Variants in CCDC82 observed in about 807,000 individuals in gnomAD.
CCDC82 encodes the protein coiled-coil domain containing 82.
In CCDC82, 47 loss-of-function variants were observed where a neutral mutation model predicts 60.6. That is an observed-to-expected ratio of 0.77 (90% CI 0.61 to 0.99). The LOEUF (loss-of-function observed/expected upper bound fraction) is 0.99, where lower values mean the gene tolerates loss of function less well. Ranked by LOEUF, CCDC82 falls within the 50% of genes least tolerant of loss-of-function variation. The probability of loss-of-function intolerance (pLI) is 0.00; values close to 1 mark genes in which losing one functional copy is unlikely to be tolerated. For synonymous variants in CCDC82, 212 were observed against 207.4 expected (o/e 1.02, Z -0.19); for missense variants, 588 against 633.0 (o/e 0.93, Z 0.76).
chr11:96,355,444 C>T (rs1475190845), intron 9 of CCDC82: 1 of 152,152 alleles, frequency 6.6e-6, no homozygotes, highest in East Asian at 1.9e-4. Flanking sequence ...TAATCAATCA[C>T]TTACTAATTG....
intron 5 of CCDC82, 107 bp downstream of exon 5, chr11:96,383,160 CCA>C (rs1382548944): frequency 5.7e-6 from 4 of 701,160 alleles, no homozygotes; most frequent in East Asian, 2.5e-5. Flanking sequence ...GAAAATGAAA[CCA>C]CAGTTTCTAG....
intron 8 of CCDC82, among the ~76,000 whole-genome samples, chr11:96,361,115 C>T (rs536868796): frequency 1.3e-5 from 2 of 152,296 alleles, no homozygotes; most frequent in Non-Finnish European, 2.9e-5. Flanking sequence ...AAAAAGACAA[C>T]ACAAAAGTTG....
rs1314139954 is a variant in CCDC82, at chr11:96,375,235, G to A, written c.992-1768C>T. Among the ~76,000 whole-genome samples, 4 of 152,086 alleles carry A rather than the reference G, an allele frequency of 2.6e-5. No homozygotes were observed. The East Asian group carries it at 7.7e-4, about 29-fold the overall frequency. Reference sequence around the variant, plus strand: ...CATAGAATATTTCATCCTACTGAAGGTATCATTCTTGAATGTCCTTATGCC... The same window carrying A: ...CATAGAATATTTCATCCTACTGAAGATATCATTCTTGAATGTCCTTATGCC... On this transcript the variant is annotated intron_variant, in intron 5 of 9. Transcript: ENST00000646818.
At chr11:96,356,617 CTCT>C (rs1279847808) in intron 9 of CCDC82, 3 of 974,118 alleles carry the variant, frequency 3.1e-6, no homozygotes, top group African/African-American at 3.5e-5. Flanking sequence ...TGTTATTGAA[CTCT>C]TCTTTAGAAT....
intron 9 of CCDC82, chr11:96,354,002 A>G: frequency 4.3e-6 from 1 of 231,666 alleles, no homozygotes; most frequent in East Asian, 1.0e-4. Context: ...GTAGAAATGT[A>G]GTAACCTCAA....
chr11:96,365,038 C>G lies in CCDC82; in HGVS notation c.1322G>C (p.Gly441Ala). The change falls in exon 8 of 10, where the codon GGA becomes GCA. Residue 441 changes from glycine to alanine, a missense_variant. By Grantham distance (60) the Gly-to-Ala change is moderately conservative. Transcript: ENST00000646818. ...RYCKYSVHLS[G>A]ELYNTRTMQI... ...CATGGTCCTGGTGTTATACAACTCT[C>G]CTGATAAATGCACTGAATATTTACA... The G allele has an allele frequency of 1.2e-6, 2 of 1,610,804 alleles. No homozygotes were observed. The highest frequency in any genetic ancestry group is 1.7e-6 in the Non-Finnish European group (2 of 1,178,490).
At chr11:96,386,996 T>A (rs1485361463) in intron 2 of CCDC82, 1 of 152,276 alleles carries the variant, frequency 6.6e-6, no homozygotes, top group African/African-American at 2.4e-5. Flanking sequence ...GCATCTTACA[T>A]TTTTAAGCTG....
chr11:96,380,121 G>A (rs1207220866), intron 5 of CCDC82, among the ~76,000 whole-genome samples: 1 of 151,730 alleles, frequency 6.6e-6, no homozygotes, highest in Non-Finnish European at 1.5e-5. Context: ...TGGCAATTAG[G>A]AGGGTATCAA....
rs1190939441 is a variant in CCDC82, at chr11:96,383,281, G to A, written c.979C>T (p.Gln327Ter). 7 of 1,546,770 alleles carry A rather than the reference G, an allele frequency of 4.5e-6. No homozygotes were observed. Among genetic ancestry groups the A allele is most frequent in the African/African-American group, 4.1e-5 (3 of 73,630 alleles). ...LTTSQLKLVK[Q>*]NSLYSFSDHY... ...ATATTGAACTTACAAAGAGAATTCTGTTTTACTAATTTCAGTTGTGATGTA... is the reference window on the plus strand; with the variant it reads ...ATATTGAACTTACAAAGAGAATTCTATTTTACTAATTTCAGTTGTGATGTA... Residue 327 changes from glutamine (Q) to a stop codon, truncating the protein, a stop_gained, in exon 5 of 10, where the codon CAG (glutamine) becomes TAG (stop). Coordinates refer to ENST00000646818, the MANE Select transcript of CCDC82 (RefSeq NM_024725.4). LOFTEE classifies it high-confidence loss of function.
chr11:96,372,285 T>C (rs1865314392), intron 6 of CCDC82, among the ~76,000 whole-genome samples: 1 of 152,204 alleles, frequency 6.6e-6, no homozygotes, highest in South Asian at 2.1e-4. Context: ...AACTAGCAGA[T>C]AACATAAACT....
chr11:96,365,246 A>G (rs1007127770), intron 7 of CCDC82, 96 bp from the exon 8 acceptor site: 9 of 781,042 alleles, frequency 1.2e-5, no homozygotes, highest in Non-Finnish European at 1.7e-5. Context: ...ATTACAATAC[A>G]AAGAGATATA....
intron 4 of CCDC82, 145 bp downstream of exon 4, chr11:96,383,817 A>C: frequency 1.3e-6 from 1 of 759,424 alleles, no homozygotes; most frequent in Admixed American, 3.0e-5. Flanking sequence ...CAATAGTGTA[A>C]TCAAACATGT....
In CCDC82 at chr11:96,353,593, T is replaced by A; in HGVS notation, c.*53A>T. 3.2e-6 allele frequency: 4 copies of A among 1,268,416 alleles called. No homozygotes were observed. Among genetic ancestry groups the A allele is most frequent in the Non-Finnish European group, 4.6e-6 (4 of 870,330 alleles). 78.6% of individuals were successfully genotyped at this position (1,268,416 alleles called of 1,614,324 possible). A position where few individuals can be genotyped will look rare whatever the true frequency, so the allele number is the denominator to read the frequency against. ...GTCACATGATACAGAAAAACAAGAA[T>A]CATGATCTTCACATTTACAGGAATT... is the stretch of plus-strand genomic sequence containing the variant. On this transcript the variant is annotated 3_prime_UTR_variant, in exon 10 of 10. Coordinates refer to ENST00000646818, the MANE Select transcript of CCDC82 (RefSeq NM_024725.4).
intron 1 of CCDC82, chr11:96,389,234 TC>T (rs1866394207): frequency 6.6e-6 from 1 of 152,224 alleles, no homozygotes; most frequent in Non-Finnish European, 1.5e-5. Context: ...CAGCATGGTA[TC>T]CGGGATAACT....
At chr11:96,360,993 T>C (rs1458815606) in intron 8 of CCDC82, among the ~76,000 whole-genome samples, 1 of 152,266 alleles carries the variant, frequency 6.6e-6, no homozygotes, top group East Asian at 1.9e-4. Flanking sequence ...AAACAGGTAT[T>C]ATTGTACATG....
chr11:96,375,709 A>G (rs1865536631), intron 5 of CCDC82, among the ~76,000 whole-genome samples: 2 of 152,220 alleles, frequency 1.3e-5, no homozygotes. Flanking sequence ...AACCCCATCT[A>G]AGTCCAGATT....
intron 5 of CCDC82, among the ~76,000 whole-genome samples, chr11:96,380,074 T>C (rs1414475239): frequency 6.6e-6 from 1 of 151,750 alleles, no homozygotes; most frequent in Non-Finnish European, 1.5e-5. Flanking sequence ...GTAAAGTACA[T>C]GACAATACCT....
At chr11:96,357,490 A>G (rs1864407666) in intron 9 of CCDC82, 1 of 984,930 alleles carries the variant, frequency 1.0e-6, no homozygotes, top group Non-Finnish European at 1.2e-6. Context: ...TTATGCATAA[A>G]GAATAACGTC....
At chr11:96,366,367 A>AG (rs1331947413) in intron 7 of CCDC82, among the ~76,000 whole-genome samples, 1 of 152,220 alleles carries the variant, frequency 6.6e-6, no homozygotes, top group East Asian at 1.9e-4. Flanking sequence ...TCTGTGTCTC[A>AG]GTTTTTCAGC....
Sources: gnomAD v4.1 joint callset for allele counts (sites outside exome capture counted in the v4.1 genomes callset) on GRCh38, gnomAD v4.1.1 for gene constraint, MANE v1.5 for transcripts, NCBI Gene and HGNC (gene_info 2026-07-23, HGNC 2026-07-21) for gene names.